The following VWC2 variants were observed in gnomAD, a reference collection of about 807,000 sequenced individuals.
VWC2 encodes the protein brorin.
In VWC2, 14 loss-of-function variants were observed where a neutral mutation model predicts 29.8. The ratio of observed to expected loss-of-function variants is 0.47; its 90% CI spans 0.31 to 0.74. The LOEUF (loss-of-function observed/expected upper bound fraction) is 0.74. Ranked by LOEUF, VWC2 falls within the 30% of genes least tolerant of loss-of-function variation. The pLI is 0.05. For missense variants in VWC2, 457 were observed against 459.8 expected (o/e 0.99, Z 0.05); for synonymous variants, 213 against 199.0 (o/e 1.07, Z -0.59).
chr7:49,829,724 G>A (rs1321149693), intron 3 of VWC2, among the ~76,000 whole-genome samples: 1 of 152,204 alleles, frequency 6.6e-6, no homozygotes, highest in Non-Finnish European at 1.5e-5. Flanking sequence ...AGGGCAAGCT[G>A]TGTTATGCCT....
At chr7:49,892,108 A>T (rs901924159) in intron 3 of VWC2, among the ~76,000 whole-genome samples, 1 of 129,330 alleles carries the variant, frequency 7.7e-6, no homozygotes. Context: ...GCAGTGGCGC[A>T]ATCTCGGCTC....
At chr7:49,790,807 A>G (rs1314808931) in intron 2 of VWC2, among the ~76,000 whole-genome samples, 1 of 151,850 alleles carries the variant, frequency 6.6e-6, no homozygotes, top group Non-Finnish European at 1.5e-5. Flanking sequence ...CTAGTTTGAT[A>G]AGACAGTTTC....
At chr7:49,776,214 A>C in intron 2 of VWC2, 83 bp downstream of exon 2, 1 of 1,212,114 alleles carries the variant, frequency 8.3e-7, no homozygotes, top group Non-Finnish European at 1.1e-6. Context: ...CCCCACTTTG[A>C]AGAAGAGGTG....
At chr7:49,811,972 T>C (rs1178562232) in intron 3 of VWC2, among the ~76,000 whole-genome samples, 2 of 152,220 alleles carry the variant, frequency 1.3e-5, no homozygotes, top group African/African-American at 2.4e-5. Flanking sequence ...AGTATATCCA[T>C]GTACTGAATA....
rs999710761 is a variant in VWC2, at chr7:49,917,402, T to C, written c.*5217T>C. ...TATTCAGCCAAAGTTTCAATAGAAT[T>C]AGGAAACTTAAATGAAAATGTGCTC... is the stretch of plus-strand genomic sequence containing the variant. On this transcript the variant is annotated 3_prime_UTR_variant, in exon 4 of 4. Transcript: ENST00000340652. The C allele has an allele frequency of 3.3e-5, 5 of 152,178 alleles. No individual in the cohort carries two copies. Among genetic ancestry groups the C allele is most frequent in the Middle Eastern group, 3.2e-3 (1 of 316 alleles). 9.4% of individuals were successfully genotyped at this position (152,178 alleles called of 1,614,324 possible). A position where few individuals can be genotyped will look rare whatever the true frequency, so the allele number is the denominator to read the frequency against.
intron 3 of VWC2, among the ~76,000 whole-genome samples, chr7:49,839,667 T>C (rs1349713329): frequency 6.6e-6 from 1 of 151,938 alleles, no homozygotes; most frequent in Non-Finnish European, 1.5e-5. Context: ...GTACCCATGG[T>C]TAGAAGGCTG....
chr7:49,853,374 G>A (rs1180945787), intron 3 of VWC2, among the ~76,000 whole-genome samples: 3 of 152,236 alleles, frequency 2.0e-5, no homozygotes, highest in Non-Finnish European at 4.4e-5. Flanking sequence ...AGTCTGGACT[G>A]GTCTTTGGCC....
intron 2 of VWC2, among the ~76,000 whole-genome samples, chr7:49,790,293 C>G (rs573694100): frequency 1.3e-5 from 2 of 152,278 alleles, no homozygotes; most frequent in Non-Finnish European, 2.9e-5. Context: ...GAGAAGAAAG[C>G]TGTATTGCCT....
intron 3 of VWC2, among the ~76,000 whole-genome samples, chr7:49,903,363 T>C (rs1196449298): frequency 1.3e-5 from 2 of 152,206 alleles, no homozygotes; most frequent in African/African-American, 2.4e-5. Context: ...GTTAAATTAT[T>C]AAACTGTGGT....
At chr7:49,788,485 G>T (rs1382541136) in intron 2 of VWC2, among the ~76,000 whole-genome samples, 2 of 151,852 alleles carry the variant, frequency 1.3e-5, no homozygotes, top group Non-Finnish European at 2.9e-5. Context: ...GAGTGTGTGG[G>T]TGTGTAAGAC....
chr7:49,882,286 T>C lies in VWC2; in HGVS notation c.827-29748T>C, dbSNP rs10257922. On this transcript the variant is annotated intron_variant, in intron 3 of 3. Coordinates refer to ENST00000340652, the MANE Select transcript of VWC2 (RefSeq NM_198570.5). ...AAGAGAGATTCTTGGCTATTTCTCT[T>C]TGTTCTGCTAAGCCTTCCTCACTTT... Among the ~76,000 whole-genome samples the C allele has an allele frequency of 4.5e-3, 684 of 152,260 alleles. 4 individuals carry two copies. Among genetic ancestry groups the C allele is most frequent in the African/African-American group, 0.016 (648 of 41,572 alleles).
rs528137323 is a variant in VWC2 at position 49,802,856 on chromosome 7, G to C, written c.826+16G>C. Reference sequence around the variant, plus strand: ...TGCAAAAATGGTATGTGAGATCCCCGTTGGTGACGGGGTGCACCTCCCACC... The same window carrying C: ...TGCAAAAATGGTATGTGAGATCCCCCTTGGTGACGGGGTGCACCTCCCACC... On this transcript the variant is annotated intron_variant, in intron 3 of 3. Coordinates refer to ENST00000340652, the MANE Select transcript of VWC2 (RefSeq NM_198570.5). The C allele has an allele frequency of 9.9e-6, 16 of 1,613,834 alleles. No homozygotes were observed. The highest frequency in any genetic ancestry group is 1.3e-5 in the African/African-American group (1 of 74,924).
intron 3 of VWC2, among the ~76,000 whole-genome samples, chr7:49,831,827 C>A (rs1478884976): frequency 6.6e-6 from 1 of 152,132 alleles, no homozygotes; most frequent in African/African-American, 2.4e-5. Context: ...AAGACTATTG[C>A]AAGTGGAAGA....
chr7:49,838,313 A>C (rs1355221847), intron 3 of VWC2, among the ~76,000 whole-genome samples: 3 of 152,236 alleles, frequency 2.0e-5, no homozygotes, highest in Non-Finnish European at 2.9e-5. Flanking sequence ...TGTTAAACAC[A>C]TAATGAGACT....
intron 3 of VWC2, among the ~76,000 whole-genome samples, chr7:49,824,712 A>G (rs1254021637): frequency 1.3e-5 from 2 of 152,130 alleles, no homozygotes; most frequent in South Asian, 2.1e-4. Context: ...TTATTTAGAT[A>G]TTTTAAAATT....
intron 3 of VWC2, among the ~76,000 whole-genome samples, chr7:49,900,772 G>A (rs974037951): frequency 4.6e-5 from 7 of 151,614 alleles, no homozygotes; most frequent in African/African-American, 1.5e-4. Flanking sequence ...TTCTTTCAGC[G>A]TTACCCTATT....
intron 3 of VWC2, among the ~76,000 whole-genome samples, chr7:49,837,309 T>TA (rs1789686325): frequency 6.6e-6 from 1 of 152,208 alleles, no homozygotes; most frequent in African/African-American, 2.4e-5. Flanking sequence ...TAGACATTCT[T>TA]AGAGTAATTG....
At chr7:49,815,229 C>T (rs1012345281) in intron 3 of VWC2, among the ~76,000 whole-genome samples, 2 of 152,120 alleles carry the variant, frequency 1.3e-5, no homozygotes, top group African/African-American at 4.8e-5. Context: ...TTGTAAATAA[C>T]TTGTGTTTGC....
intron 3 of VWC2, among the ~76,000 whole-genome samples, chr7:49,884,214 T>C (rs544853): frequency 0.8 from 122,417 of 152,244 alleles, 49,418 homozygotes; most frequent in East Asian, 0.91. Flanking sequence ...TGAGGAGCCA[T>C]TGCCCATGTC....
Sources: allele counts gnomAD v4.1 joint callset (sites outside exome capture counted in the v4.1 genomes callset), GRCh38; gene constraint gnomAD v4.1.1; transcripts MANE v1.5; gene names NCBI Gene and HGNC (gene_info 2026-07-23, HGNC 2026-07-21).